The following POLD3 variants were observed in gnomAD, a reference collection of about 807,000 sequenced individuals.
The protein encoded by POLD3 is DNA polymerase delta subunit 3.
In POLD3, 19 loss-of-function variants were observed where a neutral mutation model predicts 58.2. The observed-to-expected ratio is 0.33, with a 90% CI of 0.23 to 0.48. The LOEUF (loss-of-function observed/expected upper bound fraction) is 0.48, where lower values mean the gene tolerates loss of function less well. Among genes scored for constraint, POLD3 ranks in the 20% least tolerant of loss-of-function variants. The pLI is 0.99. For missense variants in POLD3, 504 were observed against 545.5 expected (o/e 0.92, Z 0.76); for synonymous variants, 172 against 193.5 (o/e 0.89, Z 0.92).
chr11:74,622,933 C>T (rs564881944), intron 7 of POLD3, among the ~76,000 whole-genome samples: 1 of 152,164 alleles, frequency 6.6e-6, no homozygotes, highest in East Asian at 1.9e-4. Context: ...TGAAACAATC[C>T]AAAAGTCTGT....
intron 4 of POLD3, among the ~76,000 whole-genome samples, chr11:74,655,669 AAAAG>A (rs1412673008): frequency 1.4e-4 from 21 of 152,202 alleles, no homozygotes; most frequent in Admixed American, 1.0e-3. Context: ...AAAAAAAAAA[AAAAG>A]AACACTTTTC....
At chr11:74,667,523 C>G (rs1052860027) in intron 4 of POLD3, among the ~76,000 whole-genome samples, 1 of 151,874 alleles carries the variant, frequency 6.6e-6, no homozygotes, top group Non-Finnish European at 1.5e-5. Flanking sequence ...GAGTGAGACT[C>G]CGTCTCAAAA....
intron 4 of POLD3, among the ~76,000 whole-genome samples, chr11:74,660,158 T>C (rs969807192): frequency 1.3e-5 from 2 of 152,148 alleles, no homozygotes; most frequent in Non-Finnish European, 2.9e-5. Context: ...AAACCCCTGA[T>C]AAACCCATCA....
intron 2 of POLD3, among the ~76,000 whole-genome samples, chr11:74,603,778 T>G (rs1591291501): frequency 2.6e-5 from 4 of 152,116 alleles, no homozygotes; most frequent in Admixed American, 2.6e-4. Flanking sequence ...AGGTTGAGCT[T>G]CTCTGGGGAT....
At chr11:74,624,104 C>G (rs2032354220) in intron 7 of POLD3, among the ~76,000 whole-genome samples, 1 of 152,070 alleles carries the variant, frequency 6.6e-6, no homozygotes. Flanking sequence ...AAAACAATTG[C>G]TATTAAAACA....
chr11:74,657,549 C>T (rs1161255608), intron 4 of POLD3, among the ~76,000 whole-genome samples: 1 of 152,060 alleles, frequency 6.6e-6, no homozygotes, highest in Non-Finnish European at 1.5e-5. Context: ...CTAATAACTA[C>T]ACTTTTTGTC....
chr11:74,634,641 G>A lies in POLD3; in HGVS notation c.1065G>A (p.Pro355=), dbSNP rs145286766. The A allele has an allele frequency of 2.5e-5, 41 of 1,613,186 alleles. No individual in the cohort carries two copies. In the African/African-American group the frequency reaches 2.7e-4, roughly 10 times the overall value. Residue 355 remains proline, a synonymous_variant, in exon 10 of 12, where the codon CCG becomes CCA. Coordinates refer to ENST00000263681, the MANE Select transcript of POLD3 (RefSeq NM_006591.3). Reference sequence around the variant, plus strand: ...AGTCACCATCCCCACCTCCTCCTCCGTCTCCACCTCTTGAACCAGTGCCAA... The same window carrying A: ...AGTCACCATCCCCACCTCCTCCTCCATCTCCACCTCTTGAACCAGTGCCAA... The part of the protein sequence containing the change: ...EAESPSPPPP[P]SPPLEPVPKT...
chr11:74,613,226 C>G (rs191130305), intron 5 of POLD3, among the ~76,000 whole-genome samples: 201 of 152,144 alleles, frequency 1.3e-3, no homozygotes, highest in African/African-American at 4.6e-3. Flanking sequence ...AAATCTATTT[C>G]TCATGTATTT....
At chr11:74,607,974 G>T (rs180684537) in intron 3 of POLD3, among the ~76,000 whole-genome samples, 1 of 152,128 alleles carries the variant, frequency 6.6e-6, no homozygotes, top group Admixed American at 6.5e-5. Context: ...TATAGAACGT[G>T]AAAGCTTCCT....
intron 5 of POLD3, among the ~76,000 whole-genome samples, chr11:74,615,836 C>T (rs1203804463): frequency 6.6e-6 from 1 of 152,092 alleles, no homozygotes; most frequent in African/African-American, 2.4e-5. Context: ...AAAATAGTGC[C>T]TGGCACACTA....
At chr11:74,611,656 A>C in intron 4 of POLD3, 118 bp downstream of exon 4, 2 of 627,980 alleles carry the variant, frequency 3.2e-6, no homozygotes, top group Non-Finnish European at 5.6e-6. Context: ...GAATAGCCCA[A>C]TATTCATTTT....
At chr11:74,607,100 T>C (rs1314729834) in intron 3 of POLD3, among the ~76,000 whole-genome samples, 1 of 152,132 alleles carries the variant, frequency 6.6e-6, no homozygotes, top group East Asian at 1.9e-4. Context: ...GGAATCCTCC[T>C]AAGGAAAGGC....
chr11:74,620,999 G>A (rs1476134747), intron 7 of POLD3, among the ~76,000 whole-genome samples: 1 of 151,744 alleles, frequency 6.6e-6, no homozygotes, highest in Admixed American at 6.6e-5. Context: ...ATCAGAGAAC[G>A]TTTTTGTGTT....
At chr11:74,624,052 G>A (rs1256107665) in intron 7 of POLD3, among the ~76,000 whole-genome samples, 1 of 152,166 alleles carries the variant, frequency 6.6e-6, no homozygotes, top group Non-Finnish European at 1.5e-5. Context: ...TAGGTAGGTA[G>A]GAAGTATTTG....
intron 1 of POLD3, among the ~76,000 whole-genome samples, chr11:74,593,218 C>A (rs527606930): frequency 6.6e-6 from 1 of 152,270 alleles, no homozygotes; most frequent in South Asian, 2.1e-4. Context: ...GATGTGAGTG[C>A]ACTTTGCAAA....
Position 74,659,039 on chromosome 11 carries a change from G to T in POLD3, c.370-9738G>T, listed in dbSNP as rs186693885. On this transcript the variant is annotated intron_variant, in intron 4 of 4. Transcript: ENST00000524752. ...GCCCTAGCAGAGGTTTTCCATGAGG[G>T]CCCCACTCCTGCAGCAAACTTTTGT... 1.9e-4 allele frequency among the ~76,000 whole-genome samples: 29 copies of T among 152,280 alleles called. No individual in the cohort carries two copies. In the East Asian group the frequency reaches 5.4e-3, roughly 28 times the overall value.
At chr11:74,658,844 T>C (rs7127630) in intron 4 of POLD3, among the ~76,000 whole-genome samples, 123,955 of 151,590 alleles carry the variant, frequency 0.82, 50,846 homozygotes, top group Middle Eastern at 0.94. Flanking sequence ...GCTGCTTTCA[T>C]GGGCTGGCAT....
At chr11:74,594,008 G>A (rs2031131635) in intron 1 of POLD3, 53 bp from the exon 2 acceptor site, 1 of 910,258 alleles carries the variant, frequency 1.1e-6, no homozygotes, top group Non-Finnish European at 1.8e-6. Context: ...CGGGACTGAT[G>A]TGCACTCTGG....
chr11:74,624,317 G>A (rs1328221282), intron 7 of POLD3, among the ~76,000 whole-genome samples: 1 of 152,146 alleles, frequency 6.6e-6, no homozygotes, highest in Non-Finnish European at 1.5e-5. Flanking sequence ...CCATCGTTGG[G>A]AAGGTGGATT....
Sources: allele counts gnomAD v4.1 joint callset (sites outside exome capture counted in the v4.1 genomes callset), GRCh38; gene constraint gnomAD v4.1.1; transcripts MANE v1.5; gene names NCBI Gene and HGNC (gene_info 2026-07-23, HGNC 2026-07-21).